The following CC2D2A variants were observed in gnomAD, a reference collection of about 807,000 sequenced individuals.
CC2D2A encodes the protein coiled-coil and C2 domain containing 2A.
A neutral mutation model predicts 212.9 loss-of-function variants in CC2D2A; 155 were observed. The observed-to-expected ratio is 0.73, with a 90% CI of 0.64 to 0.83. The LOEUF is 0.83. Ranked by LOEUF, CC2D2A falls within the 40% of genes least tolerant of loss-of-function variation. CC2D2A has a pLI of 0.00. For synonymous variants in CC2D2A, 667 were observed against 686.5 expected (o/e 0.97, Z 0.44); for missense variants, 1,856 against 1,956.2 (o/e 0.95, Z 0.97).
intron 30 of CC2D2A, among the ~76,000 whole-genome samples, chr4:15,582,117 G>A (rs1720687385): frequency 6.6e-6 from 1 of 151,916 alleles, no homozygotes; most frequent in Non-Finnish European, 1.5e-5. Flanking sequence ...ATAGAGCATT[G>A]GAATTGACAG....
chr4:15,585,213 A>G (rs189136792), intron 30 of CC2D2A, among the ~76,000 whole-genome samples: 25 of 152,358 alleles, frequency 1.6e-4, no homozygotes, highest in Non-Finnish European at 2.8e-4. Flanking sequence ...TTGCAGTGCT[A>G]TTCACAATAG....
chr4:15,546,792 C>T (rs12508186), intron 17 of CC2D2A, among the ~76,000 whole-genome samples: 31,394 of 152,106 alleles, frequency 0.21, 3,524 homozygotes, highest in Non-Finnish European at 0.25. Flanking sequence ...GGTAGGAAGT[C>T]GGGTGGCGGC....
At chr4:15,528,782 TAG>T (rs1368091880) in intron 13 of CC2D2A, 56 bp downstream of exon 13, 2 of 1,226,802 alleles carry the variant, frequency 1.6e-6, no homozygotes, top group African/African-American at 3.0e-5. Context: ...GTGCACTTGT[TAG>T]AGTTTATTTT....
chr4:15,559,002 G>A (rs1719430738), intron 21 of CC2D2A, among the ~76,000 whole-genome samples, 163 bp from the exon 22 acceptor site: 2 of 152,086 alleles, frequency 1.3e-5, no homozygotes, highest in African/African-American at 4.8e-5. Flanking sequence ...CAGAATCCTG[G>A]TTACTCTATC....
rs142065657 is a variant in CC2D2A, at chr4:15,489,011, T to A, written c.247+8184T>A. Among the ~76,000 whole-genome samples the A allele has an allele frequency of 7.8e-4, 119 of 152,340 alleles. 1 individual carries two copies. The highest frequency in any genetic ancestry group is 2.7e-3 in the African/African-American group (114 of 41,576). ...CACACACTCCCCCATGATTCCATCTTGCACCATCTCTTGAGGGAGTAACTA... is the reference window on the plus strand; with the variant it reads ...CACACACTCCCCCATGATTCCATCTAGCACCATCTCTTGAGGGAGTAACTA... On this transcript the variant is annotated intron_variant, in intron 4 of 36. Transcript: ENST00000424120.
chr4:15,597,835 T>A (rs1464299778), intron 35 of CC2D2A, among the ~76,000 whole-genome samples: 2 of 152,196 alleles, frequency 1.3e-5, no homozygotes, highest in Non-Finnish European at 2.9e-5. Context: ...ATGGAGAAGA[T>A]CAGTAAGAGC....
At chr4:15,576,242 C>T (rs1313764225) in intron 29 of CC2D2A, 1 of 210,726 alleles carries the variant, frequency 4.7e-6, no homozygotes. Context: ...CCCTTATGTC[C>T]AAAAGAGGCA....
chr4:15,536,991 T>A lies in CC2D2A; in HGVS notation c.1679T>A (p.Leu560Ter). 2.5e-6 allele frequency: 4 copies of A among 1,613,836 alleles called. No individual in the cohort carries two copies. Among genetic ancestry groups the A allele is most frequent in the Non-Finnish European group, 3.4e-6 (4 of 1,179,776 alleles). The part of the protein sequence containing the change: ...AEIQAEISEL[L>*]EEHTEEYAQK... ...ATTCAAGCTGAAATAAGTGAACTGTTAGAAGAGCACACGGAGGAGTACGCA... is the reference window on the plus strand; with the variant it reads ...ATTCAAGCTGAAATAAGTGAACTGTAAGAAGAGCACACGGAGGAGTACGCA... The change falls in exon 15 of 37, where the codon TTA becomes TAA. Residue 560 changes from leucine (L) to a stop codon, truncating the protein, a stop_gained. Transcript: ENST00000424120. LOFTEE classifies it high-confidence loss of function.
At chr4:15,589,734 C>T in intron 33 of CC2D2A, 55 bp downstream of exon 33, 1 of 1,254,486 alleles carries the variant, frequency 8.0e-7, no homozygotes, top group South Asian at 2.6e-5. Flanking sequence ...TTTTAAATAA[C>T]TGACCTATTG....
chr4:15,489,490 C>T (rs868840747), intron 4 of CC2D2A, among the ~76,000 whole-genome samples: 10 of 152,122 alleles, frequency 6.6e-5, no homozygotes, highest in African/African-American at 2.2e-4. Flanking sequence ...AGTACTAATA[C>T]GTATGAATAA....
At chr4:15,473,299 A>T (rs1028763096) in intron 1 of CC2D2A, 2 of 152,192 alleles carry the variant, frequency 1.3e-5, no homozygotes, top group African/African-American at 4.8e-5. Context: ...TGAAAAAATC[A>T]TTGTAAGGTA....
chr4:15,567,663 C>T lies in CC2D2A; in HGVS notation c.3289-14C>T. On this transcript the variant is annotated splice_polypyrimidine_tract_variant and intron_variant, in intron 25 of 36. Coordinates refer to ENST00000424120, the MANE Select transcript of CC2D2A (RefSeq NM_001378615.1). ...CTAACCATTGGGAACTCAGAATTTG[C>T]TCTTGATTTTAAGGTTTTAGTACGT... 1 of 1,567,546 alleles carries T rather than the reference C, an allele frequency of 6.4e-7. No homozygotes were observed. Among genetic ancestry groups the T allele is most frequent in the South Asian group, 1.2e-5 (1 of 84,080 alleles).
At chr4:15,560,241 A>T (rs1719505764) in intron 22 of CC2D2A, among the ~76,000 whole-genome samples, 5 of 152,128 alleles carry the variant, frequency 3.3e-5, no homozygotes, top group Admixed American at 1.3e-4. Context: ...GTAATGGTTA[A>T]TTCATTATTT....
chr4:15,510,510 C>G (rs1716510966), intron 7 of CC2D2A, among the ~76,000 whole-genome samples: 1 of 152,154 alleles, frequency 6.6e-6, no homozygotes, highest in Admixed American at 6.5e-5. Flanking sequence ...ATGGGAGGAT[C>G]ACTTGAGCCC....
At chr4:15,555,560 G>A (rs1022658375) in intron 20 of CC2D2A, among the ~76,000 whole-genome samples, 8 of 152,160 alleles carry the variant, frequency 5.3e-5, no homozygotes, top group African/African-American at 1.2e-4. Flanking sequence ...GCAACATGGC[G>A]AAACCCTATC....
chr4:15,558,001 G>A (rs1719375959), intron 21 of CC2D2A, among the ~76,000 whole-genome samples: 1 of 152,118 alleles, frequency 6.6e-6, no homozygotes, highest in Non-Finnish European at 1.5e-5. Context: ...ACAGGGCTGG[G>A]CATCCATCCT....
intron 14 of CC2D2A, among the ~76,000 whole-genome samples, chr4:15,535,294 C>T: frequency 6.6e-6 from 1 of 151,880 alleles, no homozygotes; most frequent in East Asian, 1.9e-4. Flanking sequence ...TCCCATCATC[C>T]CTGCTGCTAA....
At chr4:15,471,642 A>AG (rs1713830383) in intron 1 of CC2D2A, among the ~76,000 whole-genome samples, 1 of 148,966 alleles carries the variant, frequency 6.7e-6, no homozygotes, top group African/African-American at 2.4e-5. Context: ...AAAAAAAAAA[A>AG]CGTGTCTCAG....
rs547017203 is a variant in CC2D2A, at chr4:15,549,276, T to C, written c.2182-1548T>C. ...ATCAAAATATTGCCTTTTTAACTGA[T>C]AAAGATGAATTTAGAGAGTGTGTTT... On this transcript the variant is annotated intron_variant, in intron 17 of 36. Transcript: ENST00000424120. Among the ~76,000 whole-genome samples, 4 of 152,302 alleles carry C rather than the reference T, an allele frequency of 2.6e-5. No individual in the cohort carries two copies. The South Asian group carries it at 8.3e-4, about 32-fold the overall frequency.
Sources: gnomAD v4.1 joint callset for allele counts (sites outside exome capture counted in the v4.1 genomes callset) on GRCh38, gnomAD v4.1.1 for gene constraint, MANE v1.5 for transcripts, NCBI Gene and HGNC (gene_info 2026-07-23, HGNC 2026-07-21) for gene names.